Variants in FBXO34 observed in about 807,000 individuals in gnomAD.
The protein encoded by FBXO34 is F-box only protein 34.
A neutral mutation model predicts 24.5 loss-of-function variants in FBXO34; 12 were observed. That is an observed-to-expected ratio of 0.49 (90% CI 0.31 to 0.79). FBXO34 has a LOEUF of 0.79. Among genes scored for constraint, FBXO34 ranks in the 30% least tolerant of loss-of-function variants. FBXO34 has a pLI of 0.04. For missense variants in FBXO34, 823 were observed against 857.7 expected (o/e 0.96, Z 0.51); for synonymous variants, 320 against 311.9 (o/e 1.03, Z -0.27).
At chr14:55,426,833 A>C in the FBXO34 span, among the ~76,000 whole-genome samples, 2 of 152,220 alleles carry the variant, frequency 1.3e-5, no homozygotes, top group African/African-American at 4.8e-5. Context: ...CTTACTGGCA[A>C]CCCTTCCAGA....
the FBXO34 span, chr14:55,386,133 C>T: frequency 1.6e-4 from 255 of 1,555,534 alleles, no homozygotes; most frequent in South Asian, 1.7e-3. Flanking sequence ...ATTATCTCTG[C>T]AAACAGTTCC....
intron 1 of FBXO34, among the ~76,000 whole-genome samples, chr14:55,315,674 A>G (rs1594746704): frequency 6.6e-6 from 1 of 152,196 alleles, no homozygotes; most frequent in African/African-American, 2.4e-5. Flanking sequence ...GGGAAGTTCC[A>G]TTGTTTTCTA....
At chr14:55,424,214 C>T in the FBXO34 span, 1 of 1,613,306 alleles carries the variant, frequency 6.2e-7, no homozygotes, top group East Asian at 2.2e-5. Context: ...GTGGTTTTAC[C>T]ATTCTATAAA....
intron 1 of FBXO34, among the ~76,000 whole-genome samples, chr14:55,327,880 C>T (rs939043425): frequency 7.1e-6 from 1 of 139,894 alleles, no homozygotes; most frequent in Admixed American, 7.5e-5. Context: ...TTAGCAACCT[C>T]GTCATATGAT....
the FBXO34 span, among the ~76,000 whole-genome samples, chr14:55,402,945 ATATATATATATATATATAT>A: frequency 7.2e-5 from 5 of 68,974 alleles, no homozygotes; most frequent in Admixed American, 6.0e-4. Context: ...ATATATATAT[ATATATATATATATATATAT>A]ATATAAATAG....
chr14:55,430,398 TA>T, the FBXO34 span, among the ~76,000 whole-genome samples: 3,333 of 119,716 alleles, frequency 0.028, 61 homozygotes, highest in East Asian at 0.058. Flanking sequence ...TCACCCACTT[TA>T]AAAAAAAAAA....
At chr14:55,357,646 C>T (rs983086808), downstream of FBXO34, among the ~76,000 whole-genome samples, 1 of 151,984 alleles carries the variant, frequency 6.6e-6, no homozygotes, top group South Asian at 2.1e-4. Flanking sequence ...GAGACTCTGT[C>T]GTTGTACAAA....
the FBXO34 span, among the ~76,000 whole-genome samples, chr14:55,396,337 C>T: frequency 6.6e-6 from 1 of 152,142 alleles, no homozygotes; most frequent in African/African-American, 2.4e-5. Flanking sequence ...ATGATACATG[C>T]CAGCATCTCC....
rs553011326 is a variant in FBXO34, at chr14:55,279,385, A to G, written c.-11+7848A>G. Among the ~76,000 whole-genome samples, 9 of 152,184 alleles carry G rather than the reference A, an allele frequency of 5.9e-5. No homozygotes were observed. In the South Asian group the frequency reaches 8.3e-4, roughly 14 times the overall value. ...TTGGAGGTATCTGTAACGAAAGATC[A>G]TGTGATAGGAAAATAAATAAACTGT... On this transcript the variant is annotated intron_variant, in intron 1 of 1. Coordinates refer to ENST00000313833, the MANE Select transcript of FBXO34 (RefSeq NM_017943.4).
intron 1 of FBXO34, 57 bp from the exon 2 acceptor site, chr14:55,350,324 A>T (rs1435992028): frequency 9.0e-6 from 12 of 1,338,614 alleles, no homozygotes; most frequent in Non-Finnish European, 1.1e-5. Flanking sequence ...ATTTAAAAAC[A>T]TTTTTTTCTA....
chr14:55,297,992 C>G (rs1242644654), intron 1 of FBXO34, among the ~76,000 whole-genome samples: 2 of 152,196 alleles, frequency 1.3e-5, no homozygotes, highest in African/African-American at 4.8e-5. Context: ...TAGGGCAGGA[C>G]TGGCAGGAGG....
chr14:55,275,481 T>G (rs2139622651), intron 1 of FBXO34, among the ~76,000 whole-genome samples: 1 of 152,176 alleles, frequency 6.6e-6, no homozygotes, highest in South Asian at 2.1e-4. Context: ...TGCCTTGCTA[T>G]GATGGGTCTT....
chr14:55,315,626 A>G (rs1484638130), intron 1 of FBXO34, among the ~76,000 whole-genome samples: 2 of 152,210 alleles, frequency 1.3e-5, no homozygotes, highest in East Asian at 1.9e-4. Flanking sequence ...ATGGTTGGGT[A>G]TAAAATTTAG....
At chr14:55,275,701 G>A (rs1205423324) in intron 1 of FBXO34, among the ~76,000 whole-genome samples, 2 of 151,410 alleles carry the variant, frequency 1.3e-5, no homozygotes, top group African/African-American at 4.9e-5. Flanking sequence ...GCGGGTACCT[G>A]TAGTCCCAGC....
At chr14:55,355,723 G>C (rs1594770336), downstream of FBXO34, among the ~76,000 whole-genome samples, 1 of 152,202 alleles carries the variant, frequency 6.6e-6, no homozygotes, top group South Asian at 2.1e-4. Flanking sequence ...TGTGGAGCTT[G>C]CCCACCCACT....
Position 55,352,471 on chromosome 14 carries a change from T to TCCA in FBXO34, c.2081_2082insCCA (p.Phe694_Asn695insHis). 6.2e-7 allele frequency: 1 copy of TCCA among 1,613,888 alleles called. No homozygotes were observed. The highest frequency in any genetic ancestry group is 1.7e-5 in the Admixed American group (1 of 60,000). ...CACTGGGTTCCTGCCTGCCACAGCT[T>TCCA]TAATCGGGCAATCCATAAGAAAGCA... On this transcript the variant is annotated inframe_insertion, in exon 2 of 2. Coordinates refer to ENST00000313833, the MANE Select transcript of FBXO34 (RefSeq NM_017943.4).
chr14:55,281,908 C>T (rs1391724178), intron 1 of FBXO34, among the ~76,000 whole-genome samples: 1 of 150,332 alleles, frequency 6.7e-6, no homozygotes, highest in Non-Finnish European at 1.5e-5. Flanking sequence ...TTAGAAAGGA[C>T]ATAGCTGGGC....
At chr14:55,297,858 T>G (rs1392803642) in intron 1 of FBXO34, among the ~76,000 whole-genome samples, 1 of 152,224 alleles carries the variant, frequency 6.6e-6, no homozygotes. Flanking sequence ...AAACTCTGTA[T>G]GTATAATCAG....
At chr14:55,331,775 ATATACCACCATGG>A in intron 1 of FBXO34, among the ~76,000 whole-genome samples, 1 of 77,354 alleles carries the variant, frequency 1.3e-5, no homozygotes, top group Non-Finnish European at 2.4e-5. Flanking sequence ...ATATATATAT[ATATACCACCATGG>A]TGTATATATA....
Sources: gnomAD v4.1 joint callset for allele counts (sites outside exome capture counted in the v4.1 genomes callset) on GRCh38, gnomAD v4.1.1 for gene constraint, MANE v1.5 for transcripts, NCBI Gene and HGNC (gene_info 2026-07-23, HGNC 2026-07-21) for gene names.